GATA4: variants seen among roughly 807,000 people sequenced by gnomAD.
The protein encoded by GATA4 is GATA binding protein 4.
A neutral mutation model predicts 37.9 loss-of-function variants in GATA4; 7 were observed. That is an observed-to-expected ratio of 0.18 (90% confidence interval 0.11 to 0.35). GATA4 has a LOEUF of 0.35. Among genes scored for constraint, GATA4 ranks in the 10% least tolerant of loss-of-function variants. The pLI, the probability that GATA4 is intolerant of heterozygous loss-of-function variation, is 1.00. For missense variants in GATA4, 647 were observed against 653.0 expected (o/e 0.99, Z 0.10); for synonymous variants, 372 against 292.6 (o/e 1.27, Z -2.77).
rs1802155765 is a variant in GATA4 at position 11,748,860 on chromosome 8, G to T, written c.617-56G>T. 1.9e-6 allele frequency: 3 copies of T among 1,583,690 alleles called. No homozygotes were observed. The East Asian group carries it at 6.7e-5, about 35-fold the overall frequency. On this transcript the variant is annotated intron_variant, in intron 2 of 6. Coordinates refer to ENST00000532059, the MANE Select transcript of GATA4 (RefSeq NM_001308093.3). The stretch of plus-strand genomic sequence containing the variant: ...CTAGATTCTCAGATGTGAGAGCTGG[G>T]CATAAACAAAGAATTAATCCTCTGT...
chr8:11,726,726 G>A (rs1056486579), intron 2 of GATA4, among the ~76,000 whole-genome samples: 38 of 152,280 alleles, frequency 2.5e-4, no homozygotes, highest in African/African-American at 7.2e-4. Context: ...ATGAGGAAGT[G>A]GATAGGCGTG....
chr8:11,703,577 T>G (rs1027602323), upstream of GATA4, among the ~76,000 whole-genome samples: 2 of 152,208 alleles, frequency 1.3e-5, no homozygotes, highest in Admixed American at 6.5e-5. Flanking sequence ...CAGGAAGGGA[T>G]GCAGATTGCA....
chr8:11,682,147 A>G (rs943758189), intron 1 of GATA4, among the ~76,000 whole-genome samples: 1 of 152,212 alleles, frequency 6.6e-6, no homozygotes, highest in African/African-American at 2.4e-5. Flanking sequence ...ATAATTTTCC[A>G]AGCACTAGGT....
intron 2 of GATA4, among the ~76,000 whole-genome samples, chr8:11,722,618 G>A (rs1192121934): frequency 6.6e-6 from 1 of 152,114 alleles, no homozygotes; most frequent in Non-Finnish European, 1.5e-5. Flanking sequence ...AAGAAATGAG[G>A]CTTTTCCCAG....
Position 11,759,573 on chromosome 8 carries a change from C to G in GATA4, c.*1098C>G, listed in dbSNP as rs146102045. The G allele has an allele frequency of 1.2e-4, 19 of 152,402 alleles. No homozygotes were observed. The highest frequency in any genetic ancestry group is 4.6e-4 in the African/African-American group (19 of 41,584). 9.4% of individuals were successfully genotyped at this position (152,402 alleles called of 1,614,324 possible). A position where few individuals can be genotyped will look rare whatever the true frequency, so the allele number is the denominator to read the frequency against. ...AGCCAGAGATTCTGCAACACGAATT[C>G]GAAGCAAACAAACACAACACAACAG... On this transcript the variant is annotated 3_prime_UTR_variant, in exon 7 of 7. Coordinates refer to ENST00000532059, the MANE Select transcript of GATA4 (RefSeq NM_001308093.3).
chr8:11,754,819 C>A (rs1225802045), intron 4 of GATA4, among the ~76,000 whole-genome samples: 4 of 152,172 alleles, frequency 2.6e-5, no homozygotes, highest in Admixed American at 2.6e-4. Context: ...ATTCTCCAGG[C>A]TCTAGTAAAG....
intron 1 of GATA4, chr8:11,680,875 G>T: frequency 2.0e-6 from 2 of 985,346 alleles, no homozygotes; most frequent in Non-Finnish European, 2.4e-6. Flanking sequence ...TTTCTTCTCA[G>T]TTGCGACCCC....
At chr8:11,753,913 G>T (rs993962656) in intron 4 of GATA4, among the ~76,000 whole-genome samples, 3 of 152,338 alleles carry the variant, frequency 2.0e-5, no homozygotes, top group African/African-American at 7.2e-5. Flanking sequence ...CAGATGTGGG[G>T]AAGGCACCCT....
At chr8:11,697,397 C>T (rs1318413222) in intron 1 of GATA4, among the ~76,000 whole-genome samples, 1 of 152,232 alleles carries the variant, frequency 6.6e-6, no homozygotes, top group Admixed American at 6.5e-5. Flanking sequence ...AGCTCCGTGC[C>T]TCCCCTTTCT....
intron 1 of GATA4, among the ~76,000 whole-genome samples, chr8:11,679,652 G>A (rs1563182306): frequency 1.3e-5 from 2 of 152,234 alleles, no homozygotes; most frequent in East Asian, 1.9e-4. Flanking sequence ...AGCACCCGCG[G>A]CCTTAAAAGT....
At position 11,738,056 on chromosome 8, in the gene GATA4, C is replaced by A. The variant is rs576321946; in HGVS notation, c.617-10860C>A. Reference sequence around the variant, plus strand: ...ATTAGCCAGGCGTGATGGTATATACCTGTAATCCCAGCTTTTGGGGAGGCT... The same window carrying A: ...ATTAGCCAGGCGTGATGGTATATACATGTAATCCCAGCTTTTGGGGAGGCT... On this transcript the variant is annotated intron_variant, in intron 2 of 6. Transcript: ENST00000532059. Among the ~76,000 whole-genome samples the A allele has an allele frequency of 2.6e-5, 4 of 151,814 alleles. No individual in the cohort carries two copies. In the South Asian group the frequency reaches 8.4e-4, roughly 32 times the overall value.
rs1802208736 is a variant in GATA4 at position 11,749,855 on chromosome 8, G to T, written c.787-256G>T. Among the ~76,000 whole-genome samples the T allele has an allele frequency of 6.6e-6, 1 of 152,208 alleles. No individual in the cohort carries two copies. Among genetic ancestry groups the T allele is most frequent in the Non-Finnish European group, 1.5e-5 (1 of 68,036 alleles). On this transcript the variant is annotated intron_variant, in intron 3 of 6. Transcript: ENST00000532059. This position sits in a 1 kb window ranked among gnomAD's most constrained non-coding sequence, Gnocchi z 4.6. ...GTTATTCGCCTGACGGTGAATGATG[G>T]TTAGGACTGGAAACCAGGTCTCGAT...
At chr8:11,679,915 G>A (rs1798899697) in intron 1 of GATA4, among the ~76,000 whole-genome samples, 1 of 152,230 alleles carries the variant, frequency 6.6e-6, no homozygotes, top group Non-Finnish European at 1.5e-5. Flanking sequence ...AATCCCTGTT[G>A]TGTGTCGCCG....
Position 11,750,017 on chromosome 8 carries a change from C to T in GATA4, c.787-94C>T, listed in dbSNP as rs552974861. 1.1e-4 allele frequency: 175 copies of T among 1,586,554 alleles called. 3 individuals are homozygous for T. The South Asian group carries it at 1.6e-3, about 15-fold the overall frequency. ...GTCGTTAGGGCCCAGCCCTGCCTCC[C>T]GTTAGGGAGGCCCAGCTCCGCAGCC... On this transcript the variant is annotated intron_variant, in intron 3 of 6. Transcript: ENST00000532059.
intron 2 of GATA4, among the ~76,000 whole-genome samples, chr8:11,744,201 G>A (rs1466656326): frequency 1.3e-5 from 2 of 152,096 alleles, no homozygotes; most frequent in Non-Finnish European, 2.9e-5. Flanking sequence ...AATAACCAGC[G>A]CCAAAGTTTG....
chr8:11,756,448 C>G (rs17153768), intron 5 of GATA4: 1 of 232,328 alleles, frequency 4.3e-6, no homozygotes, highest in Admixed American at 5.2e-5. Context: ...TTCAGGCGCA[C>G]GATTCCCAGT....
chr8:11,757,389 G>A (rs1399406832), intron 6 of GATA4, among the ~76,000 whole-genome samples: 1 of 152,240 alleles, frequency 6.6e-6, no homozygotes, highest in Admixed American at 6.5e-5. Flanking sequence ...AAAGAGAGGG[G>A]AGTCCAGGGC....
intron 2 of GATA4, among the ~76,000 whole-genome samples, chr8:11,730,926 G>C (rs1801176841): frequency 6.6e-6 from 1 of 152,224 alleles, no homozygotes; most frequent in Non-Finnish European, 1.5e-5. Flanking sequence ...TCACATTTCA[G>C]GGCATGTGGC....
chr8:11,719,350 C>A (rs1800570673), intron 2 of GATA4, among the ~76,000 whole-genome samples: 1 of 152,104 alleles, frequency 6.6e-6, no homozygotes, highest in South Asian at 2.1e-4. Flanking sequence ...AAACCTTTCC[C>A]TAGCATTTGG....
Sources: allele counts gnomAD v4.1 joint callset (sites outside exome capture counted in the v4.1 genomes callset), GRCh38; gene constraint gnomAD v4.1.1; non-coding constraint Gnocchi (gnomAD v3.1); transcripts MANE v1.5; gene names NCBI Gene and HGNC (gene_info 2026-07-23, HGNC 2026-07-21).